RANBP6: variants seen among roughly 807,000 people sequenced by gnomAD.
RANBP6 encodes RAN binding protein 6, also known as ran-binding protein 6.
Under a neutral mutation model 35.3 loss-of-function variants are expected in RANBP6, and 10 were observed. That is an observed-to-expected ratio of 0.28 (90% confidence interval 0.17 to 0.48). The LOEUF (loss-of-function observed/expected upper bound fraction) is 0.48. Among genes scored for constraint, RANBP6 ranks in the 20% least tolerant of loss-of-function variants. The pLI is 0.99. For missense variants in RANBP6, 1,392 were observed against 1,307.7 expected, an observed-to-expected ratio of 1.06 and a Z score of -0.99; for synonymous variants, 514 against 464.2, an observed-to-expected ratio of 1.11 and a Z score of -1.38.
rs1214917591 is a variant in RANBP6, at chr9:6,012,455, T to G, written c.3153A>C (p.Ala1051=). Residue 1051 remains alanine, a synonymous_variant, in exon 1 of 1, where the codon GCA becomes GCC. Transcript: ENST00000259569. ...TAATAGTCTCATTAATTTTTCCTTC[T>G]GCAATTATACTGATTATTTTGGGAA... ...SNLPKIISII[A]EGKINETINY... The G allele has an allele frequency of 1.2e-6, 2 of 1,613,622 alleles. No homozygotes were observed. Among genetic ancestry groups the G allele is most frequent in the Non-Finnish European group, 1.7e-6 (2 of 1,179,856 alleles).
At position 6,013,292 on chromosome 9, in the gene RANBP6, A is replaced by C; in HGVS notation, c.2316T>G (p.Asp772Glu). Reference sequence around the variant, plus strand: ...AAGAATTCATTATTTCTGAGAGCACATCTGTATCTGGTTCAGTACCAATAG... The same window carrying C: ...AAGAATTCATTATTTCTGAGAGCACCTCTGTATCTGGTTCAGTACCAATAG... ...IKAIGTEPDT[D>E]VLSEIMNSFA... is the part of the protein sequence containing the mutation. The change falls in exon 1 of 1, where the codon GAT becomes GAG. Residue 772 changes from aspartate to glutamate, a missense_variant. Coordinates refer to ENST00000259569, the MANE Select transcript of RANBP6 (RefSeq NM_012416.4). 1 of 1,614,200 alleles carries C rather than the reference A, an allele frequency of 6.2e-7. No individual in the cohort carries two copies.
Position 6,015,346 on chromosome 9 carries a change from T to G in RANBP6, c.262A>C (p.Asn88His). ...LSSGFEEVYP[N>H]LPADVQRDVK... is the part of the protein sequence containing the mutation. ...TCTCTCTGAACATCAGCAGGCAGATTTGGATAAACCTCCTCAAACCCAGAG... is the reference window on the plus strand; with the variant it reads ...TCTCTCTGAACATCAGCAGGCAGATGTGGATAAACCTCCTCAAACCCAGAG... Residue 88 changes from asparagine to histidine, a missense_variant, in exon 1 of 1, where the codon AAT becomes CAT. Transcript: ENST00000259569. 1 of 1,614,190 alleles carries G rather than the reference T, an allele frequency of 6.2e-7. No homozygotes were observed. Among genetic ancestry groups the G allele is most frequent in the Non-Finnish European group, 8.5e-7 (1 of 1,180,040 alleles).
In RANBP6 at chr9:6,013,009, G is replaced by C. The variant is rs1001634296; in HGVS notation, c.2599C>G (p.Pro867Ala). 13 of 1,613,634 alleles carry C rather than the reference G, an allele frequency of 8.1e-6. No individual in the cohort carries two copies. The highest frequency in any genetic ancestry group is 1.0e-5 in the Non-Finnish European group (12 of 1,179,832). Residue 867 changes from proline to alanine, a missense_variant, in exon 1 of 1, where the codon CCA becomes GCA. Pro to Ala is a conservative substitution (Grantham distance 27). Transcript: ENST00000259569. Reference protein sequence around the residue: ...LFSTYKEKILPWFEQLLPLIV... With the variant: ...LFSTYKEKILAWFEQLLPLIV... ...AATGGAAGTAGTTGTTCAAACCATG[G>C]TAAAATCTTTTCCTTATAAGTACTA...
rs767636427 is a variant in RANBP6 at position 6,013,426 on chromosome 9, G to A, written c.2182C>T (p.Arg728Ter). 3.7e-6 allele frequency: 6 copies of A among 1,614,140 alleles called. No homozygotes were observed. The highest frequency in any genetic ancestry group is 2.2e-5 in the East Asian group (1 of 44,884). The change falls in exon 1 of 1, where the codon CGA becomes TGA. Residue 728 changes from arginine to a stop codon, truncating the protein, a stop_gained. Transcript: ENST00000259569. LOFTEE classifies it high-confidence loss of function. ...LLKFYFHDNV[R>*]VAAAESMPFL... ...GGCATGGACTCTGCTGCTGCCACTCGAACATTGTCATGGAAATAAAATTTC... is the reference window on the plus strand; with the variant it reads ...GGCATGGACTCTGCTGCTGCCACTCAAACATTGTCATGGAAATAAAATTTC...
chr9:6,013,054 C>G lies in RANBP6; in HGVS notation c.2554G>C (p.Asp852His), dbSNP rs767084856. The G allele has an allele frequency of 2.5e-6, 4 of 1,613,870 alleles. No homozygotes were observed. The South Asian group carries it at 4.4e-5, about 18-fold the overall frequency. ...CDVYILTKVS[D>H]ILHSLFSTYK... ...GTACTAAATAATGAGTGCAAAATAT[C>G]TGATACTTTGGTCAGAATATAAACA... The change falls in exon 1 of 1, where the codon GAT becomes CAT. Residue 852 changes from aspartate (D) to histidine (H), a missense_variant. Transcript: ENST00000259569.
At position 6,013,569 on chromosome 9, in the gene RANBP6, G is replaced by A. The variant is rs781060213; in HGVS notation, c.2039C>T (p.Thr680Ile). ...AGTTGCTTTTGCTTCAAGTCCTGAA[G>A]TTTTAATTCCAAAACTCTGCTGGTC... is the stretch of plus-strand genomic sequence containing the variant. ...LGDQQSFGIKTSGLEAKATAC... is the reference protein window; with the variant it reads ...LGDQQSFGIKISGLEAKATAC... The change falls in exon 1 of 1, where the codon ACT becomes ATT. Residue 680 changes from threonine to isoleucine, a missense_variant. Transcript: ENST00000259569. 1.9e-6 allele frequency: 3 copies of A among 1,614,082 alleles called. No homozygotes were observed. Among genetic ancestry groups the A allele is most frequent in the Admixed American group, 1.7e-5 (1 of 60,004 alleles).
chr9:6,014,891 C>A lies in RANBP6; in HGVS notation c.717G>T (p.Gln239His). The A allele has an allele frequency of 6.2e-7, 1 of 1,614,078 alleles. No homozygotes were observed. The highest frequency in any genetic ancestry group is 8.5e-7 in the Non-Finnish European group (1 of 1,179,974). Reference sequence around the variant, plus strand: ...GGGATTCTAGCACTGAATCATCATCCTGGTAGCATGAGTCATTCACAGCCT... The same window carrying A: ...GGGATTCTAGCACTGAATCATCATCATGGTAGCATGAGTCATTCACAGCCT... ...ILQAVNDSCY[Q>H]DDDSVLESLV... The change falls in exon 1 of 1, where the codon CAG becomes CAT. Residue 239 changes from glutamine (Q) to histidine (H), a missense_variant. Coordinates refer to ENST00000259569, the MANE Select transcript of RANBP6 (RefSeq NM_012416.4).
Position 6,012,007 on chromosome 9 carries a change from C to A in RANBP6, c.*283G>T. 1 of 239,530 alleles carries A rather than the reference C, an allele frequency of 4.2e-6. No individual in the cohort carries two copies. Among genetic ancestry groups the A allele is most frequent in the Non-Finnish European group, 8.0e-6 (1 of 124,636 alleles). 14.8% of individuals were successfully genotyped at this position (239,530 alleles called of 1,614,324 possible). A position where few individuals can be genotyped will look rare whatever the true frequency, so the allele number is the denominator to read the frequency against. ...TGGCTAGCATCAATAATAGTTCAAACAAATAGCAACAATTTATATACTTTA... is the reference window on the plus strand; with the variant it reads ...TGGCTAGCATCAATAATAGTTCAAAAAAATAGCAACAATTTATATACTTTA... On this transcript the variant is annotated 3_prime_UTR_variant, in exon 1 of 1. Transcript: ENST00000259569.
rs1375798700 is a variant in RANBP6, at chr9:6,012,282, A to T, written c.*8T>A. On this transcript the variant is annotated 3_prime_UTR_variant, in exon 1 of 1. Transcript: ENST00000259569. ...TAATAGATAATATTCAAGTTATATT[A>T]AAGTGCTTCAAGCAAAATTTAGCAA... 3.9e-6 allele frequency: 6 copies of T among 1,524,004 alleles called. No individual in the cohort carries two copies. Among genetic ancestry groups the T allele is most frequent in the Non-Finnish European group, 5.3e-6 (6 of 1,136,214 alleles). The allele number at this position is 1,524,004 out of a possible 1,614,324, so 94.4% of individuals were successfully genotyped here.
chr9:6,012,560 T>C lies in RANBP6; in HGVS notation c.3048A>G (p.Glu1016=). ...AGAGAAAACTCAAAGTCTGAATAGCTTCCTCTTTATCTTCATGCAGTGGAA... is the reference window on the plus strand; with the variant it reads ...AGAGAAAACTCAAAGTCTGAATAGCCTCCTCTTTATCTTCATGCAGTGGAA... The part of the protein sequence containing the change: ...SWLPLHEDKE[E]AIQTLSFLCD... Residue 1016 remains glutamate (E), a synonymous_variant, in exon 1 of 1, where the codon GAA becomes GAG. Transcript: ENST00000259569. 1 of 1,613,966 alleles carries C rather than the reference T, an allele frequency of 6.2e-7. No homozygotes were observed. Among genetic ancestry groups the C allele is most frequent in the Non-Finnish European group, 8.5e-7 (1 of 1,179,954 alleles).
In RANBP6 at chr9:6,011,259, G is replaced by C. The variant is rs976145657; in HGVS notation, c.*1031C>G. 2.0e-5 allele frequency: 3 copies of C among 152,142 alleles called. No individual in the cohort carries two copies. Among genetic ancestry groups the C allele is most frequent in the Non-Finnish European group, 4.4e-5 (3 of 68,026 alleles). 9.4% of individuals were successfully genotyped at this position (152,142 alleles called of 1,614,324 possible). On this transcript the variant is annotated 3_prime_UTR_variant, in exon 1 of 1. Transcript: ENST00000259569. ...TAATTAACCCTGGACTTATAGAACT[G>C]TTTTCTCATAATAATGCACATCTAC...
chr9:6,014,045 C>G lies in RANBP6; in HGVS notation c.1563G>C (p.Val521=). 3 of 1,613,710 alleles carry G rather than the reference C, an allele frequency of 1.9e-6. No homozygotes were observed. The highest frequency in any genetic ancestry group is 2.5e-6 in the Non-Finnish European group (3 of 1,179,898). Residue 521 remains valine (V), a synonymous_variant, in exon 1 of 1, where the codon GTG becomes GTC. Coordinates refer to ENST00000259569, the MANE Select transcript of RANBP6 (RefSeq NM_012416.4). ...NGTKLALEQL[V]TTIASVADTI... ...TATCTGCAACTGATGCAATGGTTGT[C>G]ACAAGTTGTTCCAAAGCCAACTTAG...
rs1163563050 is a variant in RANBP6 at position 6,011,524 on chromosome 9, G to C, written c.*766C>G. The C allele has an allele frequency of 6.6e-6, 1 of 152,080 alleles. No homozygotes were observed. The highest frequency in any genetic ancestry group is 1.5e-5 in the Non-Finnish European group (1 of 68,020). The allele number at this position is 152,080 out of a possible 1,614,324, so 9.4% of individuals were successfully genotyped here. On this transcript the variant is annotated 3_prime_UTR_variant, in exon 1 of 1. Coordinates refer to ENST00000259569, the MANE Select transcript of RANBP6 (RefSeq NM_012416.4). The stretch of plus-strand genomic sequence containing the variant: ...ATACTCTGCTGAAACACATAACACT[G>C]ACTCCCAAGAATACTGCTTACTTAC...
Position 6,012,948 on chromosome 9 carries a change from G to A in RANBP6, c.2660C>T (p.Pro887Leu). Reference protein sequence around the residue: ...VNLICSSRPWPDRQWGLCIFD... With the variant: ...VNLICSSRPWLDRQWGLCIFD... ...TATGCACAATCCCCACTGTCTGTCTGGCCATGGCCTACTTGAACAAATTAG... is the reference window on the plus strand; with the variant it reads ...TATGCACAATCCCCACTGTCTGTCTAGCCATGGCCTACTTGAACAAATTAG... Residue 887 changes from proline (P) to leucine (L), a missense_variant, in exon 1 of 1, where the codon CCA becomes CTA. Coordinates refer to ENST00000259569, the MANE Select transcript of RANBP6 (RefSeq NM_012416.4). 2 of 1,614,082 alleles carry A rather than the reference G, an allele frequency of 1.2e-6. No individual in the cohort carries two copies. The highest frequency in any genetic ancestry group is 1.7e-6 in the Non-Finnish European group (2 of 1,179,996).
In RANBP6 at chr9:6,014,128, C is replaced by T. The variant is rs371208661; in HGVS notation, c.1480G>A (p.Val494Met). ...ACCAAGACGGAATGTAGATTTTTCA[C>T]CATACTATCCACATATAGAACTAGC... Reference protein sequence around the residue: ...SLLVLYVDSMVKNLHSVLVIK... With the variant: ...SLLVLYVDSMMKNLHSVLVIK... Residue 494 changes from valine to methionine, a missense_variant, in exon 1 of 1, where the codon GTG (valine) becomes ATG (methionine). Transcript: ENST00000259569. 89 of 1,613,870 alleles carry T rather than the reference C, an allele frequency of 5.5e-5. No homozygotes were observed. The highest frequency in any genetic ancestry group is 7.2e-5 in the Non-Finnish European group (85 of 1,180,022).
Position 6,014,506 on chromosome 9 carries a change from T to C in RANBP6, c.1102A>G (p.Lys368Glu), listed in dbSNP as rs777522272. 4.3e-6 allele frequency: 7 copies of C among 1,614,240 alleles called. No individual in the cohort carries two copies. The South Asian group carries it at 7.7e-5, about 18-fold the overall frequency. ...LGGKVVLPMT[K>E]EHIMQMLQSP... ...TGAAGCATCTGCATGATATGCTCCT[T>C]GGTCATTGGTAAAACAACTTTTCCA... The change falls in exon 1 of 1, where the codon AAG becomes GAG. Residue 368 changes from lysine to glutamate, a missense_variant. Physicochemically the swap from Lys to Glu is moderately conservative, Grantham distance 56. Transcript: ENST00000259569.
Position 6,012,907 on chromosome 9 carries a change from C to T in RANBP6, c.2701G>A (p.Glu901Lys). Residue 901 changes from glutamate (E) to lysine (K), a missense_variant, in exon 1 of 1, where the codon GAG becomes AAG. Coordinates refer to ENST00000259569, the MANE Select transcript of RANBP6 (RefSeq NM_012416.4). ...TTAAATGAAGTTGGACTGCAGTGCT[C>T]TATGATGTCATCAAATATGCACAAT... ...WGLCIFDDIIEHCSPTSFKYV... is the reference protein window; with the variant it reads ...WGLCIFDDIIKHCSPTSFKYV... 1 of 1,614,122 alleles carries T rather than the reference C, an allele frequency of 6.2e-7. No homozygotes were observed. The highest frequency in any genetic ancestry group is 8.5e-7 in the Non-Finnish European group (1 of 1,180,024).
In RANBP6 at chr9:6,013,584, C is replaced by T. The variant is rs1047049878; in HGVS notation, c.2024G>A (p.Ser675Asn). 3 of 1,614,118 alleles carry T rather than the reference C, an allele frequency of 1.9e-6. No homozygotes were observed. The African/African-American group carries it at 4.0e-5, about 22-fold the overall frequency. Residue 675 changes from serine to asparagine, a missense_variant, in exon 1 of 1, where the codon AGT (serine) becomes AAT (asparagine). Physicochemically the swap from Ser to Asn is conservative, Grantham distance 46. Transcript: ENST00000259569. ...AAGTCCTGAAGTTTTAATTCCAAAACTCTGCTGGTCTCCAAGATTTACAAA... is the reference window on the plus strand; with the variant it reads ...AAGTCCTGAAGTTTTAATTCCAAAATTCTGCTGGTCTCCAAGATTTACAAA... The part of the protein sequence containing the change: ...WQFVNLGDQQ[S>N]FGIKTSGLEA...
At position 6,013,542 on chromosome 9, in the gene RANBP6, G is replaced by A. The variant is rs758899256; in HGVS notation, c.2066C>T (p.Ala689Val). 6.2e-7 allele frequency: 1 copy of A among 1,614,092 alleles called. No individual in the cohort carries two copies. The highest frequency in any genetic ancestry group is 8.5e-7 in the Non-Finnish European group (1 of 1,180,042). ...KTSGLEAKAT[A>V]CQMLVYYAKE... ...AGCATAGTAAACCAACATTTGGCAA[G>A]CAGTTGCTTTTGCTTCAAGTCCTGA... The change falls in exon 1 of 1, where the codon GCT becomes GTT. Residue 689 changes from alanine to valine, a missense_variant. Physicochemically the swap from Ala to Val is moderately conservative, Grantham distance 64. Transcript: ENST00000259569.
Sources: allele counts gnomAD v4.1 joint callset, GRCh38; gene constraint gnomAD v4.1.1; transcripts MANE v1.5; gene names NCBI Gene and HGNC (gene_info 2026-07-23, HGNC 2026-07-21).